GALNT9: variants seen among roughly 807,000 people sequenced by gnomAD.
GALNT9 encodes GalNAc transferase 9.
GALNT9 carries 47 observed loss-of-function variants against 63.1 expected under a neutral mutation model. That is an observed-to-expected ratio of 0.75 (90% CI 0.59 to 0.95). The LOEUF is 0.95. GALNT9 is among the 40% of genes least tolerant of loss of function. GALNT9 has a pLI of 0.00. For missense variants in GALNT9, 829 were observed against 874.8 expected (o/e 0.95, Z 0.66); for synonymous variants, 396 against 365.7 (o/e 1.08, Z -0.94).
At chr12:132,294,471 A>T (rs562348459) in intron 1 of GALNT9, among the ~76,000 whole-genome samples, 39 of 152,226 alleles carry the variant, frequency 2.6e-4, no homozygotes, top group Non-Finnish European at 5.3e-4. Flanking sequence ...CAGGAGACTC[A>T]GGAGCTCTGG....
At chr12:132,288,414 C>T (rs1368500716) in intron 1 of GALNT9, among the ~76,000 whole-genome samples, 2 of 152,248 alleles carry the variant, frequency 1.3e-5, no homozygotes, top group African/African-American at 2.4e-5. Context: ...GAGATAAATA[C>T]GTAATCATGC....
chr12:132,270,362 G>A (rs1879820279), intron 2 of GALNT9, among the ~76,000 whole-genome samples: 2 of 152,202 alleles, frequency 1.3e-5, no homozygotes, highest in African/African-American at 2.4e-5. Flanking sequence ...ACAGAATCCT[G>A]CAGGCTTCAC....
chr12:132,225,155 C>G (rs994025382), intron 6 of GALNT9, among the ~76,000 whole-genome samples: 2 of 143,608 alleles, frequency 1.4e-5, no homozygotes, highest in South Asian at 4.6e-4. Context: ...ACTGTACACA[C>G]CCTACACACA....
chr12:132,260,302 C>T (rs1344770046), intron 4 of GALNT9, among the ~76,000 whole-genome samples: 6 of 152,054 alleles, frequency 3.9e-5, no homozygotes, highest in East Asian at 3.9e-4. Context: ...ACCTTGGAGT[C>T]GGGCCCTGCC....
chr12:132,226,750 ACACC>A (rs1877707317), intron 6 of GALNT9, among the ~76,000 whole-genome samples: 1 of 143,634 alleles, frequency 7.0e-6, no homozygotes, highest in Admixed American at 7.0e-5. Flanking sequence ...TACACCCCAT[ACACC>A]CACCCCACAC....
At chr12:132,281,494 A>G (rs1432299812) in intron 2 of GALNT9, among the ~76,000 whole-genome samples, 3 of 152,236 alleles carry the variant, frequency 2.0e-5, no homozygotes, top group Non-Finnish European at 4.4e-5. Flanking sequence ...GTAAATATCT[A>G]TATAAAATTC....
Position 132,203,422 on chromosome 12 carries a change from G to A in GALNT9, c.1263+83C>T, listed in dbSNP as rs965131517. ...CTCACACCTGCAGGGGGCCCTAGGG[G>A]GCCTCCCTCCGGCCCAGCCCTGCCG... On this transcript the variant is annotated intron_variant, in intron 7 of 10. Coordinates refer to ENST00000328957, the MANE Select transcript of GALNT9 (RefSeq NM_001122636.2). 3 of 1,346,606 alleles carry A rather than the reference G, an allele frequency of 2.2e-6. No individual in the cohort carries two copies. The Admixed American group carries it at 6.2e-5, about 28-fold the overall frequency. The allele number at this position is 1,346,606 out of a possible 1,614,324, so 83.4% of individuals were successfully genotyped here.
chr12:132,283,764 G>A (rs1287362263), intron 2 of GALNT9: 1 of 152,282 alleles, frequency 6.6e-6, no homozygotes, highest in Non-Finnish European at 1.5e-5. Flanking sequence ...CCCCCAGGAG[G>A]GGACACCTGG....
Position 132,329,085 on chromosome 12 carries a change from A to G in GALNT9, c.119T>C (p.Ile40Thr). Residue 40 changes from isoleucine to threonine, a missense_variant, in exon 1 of 11, where the codon ATC (isoleucine) becomes ACC (threonine). Ile to Thr is a moderately conservative substitution (Grantham distance 89). Coordinates refer to ENST00000328957, the MANE Select transcript of GALNT9 (RefSeq NM_001122636.2). The stretch of plus-strand genomic sequence containing the variant: ...GCGCACCCGGCGGTCGCCGCTCACG[A>G]TGCGCACGAGCTCCTGGGAGCGGCC... Reference protein sequence around the residue: ...LQGRSQELVRIVSGDRRVRSR... With the variant: ...LQGRSQELVRTVSGDRRVRSR... 1 of 1,548,506 alleles carries G rather than the reference A, an allele frequency of 6.5e-7. No homozygotes were observed. Among genetic ancestry groups the G allele is most frequent in the Non-Finnish European group, 8.7e-7 (1 of 1,146,456 alleles).
At chr12:132,289,617 G>A (rs1173350935) in intron 1 of GALNT9, among the ~76,000 whole-genome samples, 2 of 152,204 alleles carry the variant, frequency 1.3e-5, no homozygotes, top group Non-Finnish European at 2.9e-5. Context: ...TGGGGGTTAG[G>A]GGACACCCCA....
At chr12:132,278,249 A>G (rs1313104604) in intron 2 of GALNT9, 3 of 152,106 alleles carry the variant, frequency 2.0e-5, no homozygotes, top group African/African-American at 4.8e-5. Context: ...GCCACGTCGC[A>G]CTCTCTGGGT....
chr12:132,210,438 A>G (rs1299980424), intron 6 of GALNT9, among the ~76,000 whole-genome samples: 2 of 152,164 alleles, frequency 1.3e-5, no homozygotes, highest in Non-Finnish European at 2.9e-5. Flanking sequence ...ACTGTCATCT[A>G]GAGGGGAGGC....
rs761220333 is a variant in GALNT9 at position 132,221,658 on chromosome 12, C to CAA, written c.1078-17970_1078-17969dup. Among the ~76,000 whole-genome samples the CAA allele has an allele frequency of 8.7e-3, 692 of 79,610 alleles. 48 individuals carry two copies. Among genetic ancestry groups the CAA allele is most frequent in the African/African-American group, 0.034 (661 of 19,254 alleles). The allele number at this position is 79,610 out of a possible 152,430, so 52.2% of individuals were successfully genotyped here. ...CCTGGGTGACAGAGTGAGACGTTCT[C>CAA]AAAAAAAAAAAAAAAAAAAAGCAAG... is the stretch of plus-strand genomic sequence containing the variant. On this transcript the variant is annotated intron_variant, in intron 6 of 10. Coordinates refer to ENST00000328957, the MANE Select transcript of GALNT9 (RefSeq NM_001122636.2).
rs1253485585 is a variant in GALNT9 at position 132,291,196 on chromosome 12, G to C, written c.239-4766C>G. ...CACAACCACAGCACCCACAACCACA[G>C]TGCCCACGTCCACACCACCCACATC... is the stretch of plus-strand genomic sequence containing the variant. On this transcript the variant is annotated intron_variant, in intron 1 of 10. Transcript: ENST00000328957. Among the ~76,000 whole-genome samples the C allele has an allele frequency of 1.3e-4, 5 of 39,100 alleles. 2 individuals carry two copies. Among genetic ancestry groups the C allele is most frequent in the Non-Finnish European group, 2.1e-4 (5 of 23,266 alleles). The allele number at this position is 39,100 out of a possible 152,430, so 25.7% of individuals were successfully genotyped here.
chr12:132,228,335 CGG>C, intron 6 of GALNT9, among the ~76,000 whole-genome samples: 1 of 148,734 alleles, frequency 6.7e-6, no homozygotes, highest in African/African-American at 2.5e-5. Flanking sequence ...GGTGGCGGGG[CGG>C]CCCGTCAGCA....
intron 5 of GALNT9, among the ~76,000 whole-genome samples, chr12:132,250,512 G>A (rs942912694): frequency 6.6e-5 from 10 of 152,196 alleles, no homozygotes; most frequent in South Asian, 6.2e-4. Context: ...CAACGTGGCC[G>A]GGCACAGTGG....
At position 132,201,154 on chromosome 12, in the gene GALNT9, C is replaced by T. The variant is rs758285463; in HGVS notation, c.1371G>A (p.Arg457=). 9.3e-6 allele frequency: 15 copies of T among 1,613,358 alleles called. No homozygotes were observed. Among genetic ancestry groups the T allele is most frequent in the Non-Finnish European group, 1.3e-5 (15 of 1,179,794 alleles). The change falls in exon 8 of 11, where the codon AGG becomes AGA. Residue 457 remains arginine, a synonymous_variant. Coordinates refer to ENST00000328957, the MANE Select transcript of GALNT9 (RefSeq NM_001122636.2). ...CGTACGTGAGGGTGTTGTTGTAGAC[C>T]CTCATCTCCGGGTACACGTTCTCCA... ...WYLENVYPEM[R]VYNNTLTYGE...
intron 6 of GALNT9, among the ~76,000 whole-genome samples, chr12:132,217,619 TCCATCCATTCAC>T (rs1565990401): frequency 1.3e-4 from 19 of 145,666 alleles, no homozygotes; most frequent in African/African-American, 3.3e-4. Context: ...CAGCCATCCA[TCCATCCATTCAC>T]CCATCCCATC....
intron 5 of GALNT9, among the ~76,000 whole-genome samples, chr12:132,255,188 C>T (rs551386399): frequency 3.5e-4 from 53 of 152,290 alleles, no homozygotes; most frequent in African/African-American, 1.3e-3. Flanking sequence ...GCCCCTTAGA[C>T]TCTCCTCCCT....
Sources: gnomAD v4.1 joint callset for allele counts (sites outside exome capture counted in the v4.1 genomes callset) on GRCh38, gnomAD v4.1.1 for gene constraint, MANE v1.5 for transcripts, NCBI Gene and HGNC (gene_info 2026-07-23, HGNC 2026-07-21) for gene names.